CCDC27: variants seen among roughly 807,000 people sequenced by gnomAD.
CCDC27 encodes coiled-coil domain-containing protein 27.
CCDC27 carries 80 observed loss-of-function variants against 80.3 expected under a neutral mutation model. That is an observed-to-expected ratio of 1.00 (90% confidence interval 0.83 to 1.20). The LOEUF (loss-of-function observed/expected upper bound fraction) is 1.20, where lower values mean the gene tolerates loss of function less well. Ranked by LOEUF, CCDC27 falls within the 50% of genes most tolerant of loss-of-function variation. The pLI is 0.00. For missense variants in CCDC27, 815 were observed against 809.4 expected (o/e 1.01, Z -0.08); for synonymous variants, 342 against 334.3 (o/e 1.02, Z -0.25).
rs1643064139 is a variant in CCDC27, at chr1:3,760,691, G to T, written c.712-590G>T. Among the ~76,000 whole-genome samples the T allele has an allele frequency of 6.6e-6, 1 of 152,110 alleles. No individual in the cohort carries two copies. Among genetic ancestry groups the T allele is most frequent in the African/African-American group, 2.4e-5 (1 of 41,400 alleles). ...GACTTTCTAGTTATCTTTCCTTCCAGAATATTCTGTTGGGATCATTTTCCT... is the reference window on the plus strand; with the variant it reads ...GACTTTCTAGTTATCTTTCCTTCCATAATATTCTGTTGGGATCATTTTCCT... On this transcript the variant is annotated intron_variant, in intron 4 of 11. Coordinates refer to ENST00000294600, the MANE Select transcript of CCDC27 (RefSeq NM_152492.3). The surrounding 1 kb of genome is among the most constrained non-coding windows in gnomAD (Gnocchi z 4.3).
chr1:3,765,032 T>C (rs1425559694), intron 8 of CCDC27, among the ~76,000 whole-genome samples: 2 of 78,060 alleles, frequency 2.6e-5, no homozygotes, highest in African/African-American at 2.0e-4. Flanking sequence ...CAAAACTCCA[T>C]CTCAAAAAAA....
At chr1:3,756,957 C>A (rs1450566725) in intron 4 of CCDC27, 67 bp downstream of exon 4, 2 of 1,524,152 alleles carry the variant, frequency 1.3e-6, no homozygotes, top group Non-Finnish European at 1.8e-6. Flanking sequence ...GGGAGGACAG[C>A]CCTGCTCCCT....
Position 3,763,395 on chromosome 1 carries a change from G to C in CCDC27, c.1242G>C (p.Gln414His). Residue 414 changes from glutamine (Q) to histidine (H), a missense_variant, in exon 7 of 12, where the codon CAG (glutamine) becomes CAC (histidine). Physicochemically the swap from Gln to His is conservative, Grantham distance 24 (BLOSUM62 0). Transcript: ENST00000294600. This position sits in a 1 kb window ranked among gnomAD's most constrained non-coding sequence, Gnocchi z 7.5. ...CGTTTGAGGAGGAGCTGCTGGCCCA[G>C]CTGGAGGAGTACGAGCAGGTCATCC... ...AESFEEELLA[Q>H]LEEYEQVILD... 6.2e-7 allele frequency: 1 copy of C among 1,612,952 alleles called. No homozygotes were observed. The highest frequency in any genetic ancestry group is 8.5e-7 in the Non-Finnish European group (1 of 1,179,948).
At position 3,762,501 on chromosome 1, in the gene CCDC27, GA is replaced by G. The variant is rs113919440; in HGVS notation, c.862-118del. On this transcript the variant is annotated intron_variant, in intron 5 of 11. Coordinates refer to ENST00000294600, the MANE Select transcript of CCDC27 (RefSeq NM_152492.3). ...ACATCCCCCAGCCCCTTGGCAGGAG[GA>G]TGCAGGTCCCCTCCCCAGACATGAG... 1.1e-4 allele frequency: 84 copies of G among 746,676 alleles called. No individual in the cohort carries two copies. In the African/African-American group the frequency reaches 1.3e-3, roughly 12 times the overall value. 46.3% of individuals were successfully genotyped at this position (746,676 alleles called of 1,614,324 possible).
chr1:3,757,531 C>T (rs938418829), intron 4 of CCDC27, among the ~76,000 whole-genome samples: 5 of 152,000 alleles, frequency 3.3e-5, no homozygotes, highest in African/African-American at 1.2e-4. Context: ...GCCTTGAGCT[C>T]CCTGAGCTCA....
intron 2 of CCDC27, 147 bp downstream of exon 2, chr1:3,754,388 G>A: frequency 9.2e-7 from 1 of 1,088,314 alleles, no homozygotes; most frequent in Non-Finnish European, 1.3e-6. Flanking sequence ...AATCCGCTCT[G>A]TGCTCAGGGA....
chr1:3,767,328 G>A lies in CCDC27; in HGVS notation c.1626G>A (p.Leu542=), dbSNP rs1359549056. 1.2e-6 allele frequency: 2 copies of A among 1,614,008 alleles called. No individual in the cohort carries two copies. Among genetic ancestry groups the A allele is most frequent in the Non-Finnish European group, 8.5e-7 (1 of 1,180,016 alleles). The change falls in exon 10 of 12, where the codon CTG becomes CTA. Residue 542 remains leucine (L), a synonymous_variant. Coordinates refer to ENST00000294600, the MANE Select transcript of CCDC27 (RefSeq NM_152492.3). ...GCCAGCTGCAGGAGCAGGTGGAACTGGACCAGAACCACCTGCAGAGGTGGA... is the reference window on the plus strand; with the variant it reads ...GCCAGCTGCAGGAGCAGGTGGAACTAGACCAGAACCACCTGCAGAGGTGGA... The part of the protein sequence containing the change: ...KVSQLQEQVE[L]DQNHLQRWKQ...
At position 3,763,797 on chromosome 1, in the gene CCDC27, C is replaced by T. The variant is rs748873147; in HGVS notation, c.1413C>T (p.Leu471=). ...NTENETLQKE[L]RERRQQLQAM... ...AAAATGAGACGCTGCAGAAGGAGCT[C>T]CGAGAGCGGAGGCAGCAGCTACAAG... The change falls in exon 8 of 12, where the codon CTC becomes CTT. Residue 471 remains leucine (L), a synonymous_variant. Coordinates refer to ENST00000294600, the MANE Select transcript of CCDC27 (RefSeq NM_152492.3). The surrounding 1 kb of genome is among the most constrained non-coding windows in gnomAD (Gnocchi z 7.5). The T allele has an allele frequency of 1.7e-5, 28 of 1,614,084 alleles. No individual in the cohort carries two copies. The highest frequency in any genetic ancestry group is 2.4e-5 in the Non-Finnish European group (28 of 1,179,988).
intron 10 of CCDC27, among the ~76,000 whole-genome samples, chr1:3,767,742 G>A (rs1643267534): frequency 6.6e-6 from 1 of 152,242 alleles, no homozygotes; most frequent in Non-Finnish European, 1.5e-5. Context: ...ATCACTGGCT[G>A]GAAAGGAGGA....
chr1:3,770,173 TG>T (rs1330446980), intron 11 of CCDC27, among the ~76,000 whole-genome samples: 1 of 152,104 alleles, frequency 6.6e-6, no homozygotes, highest in East Asian at 1.9e-4. Flanking sequence ...CTGAGCGCTG[TG>T]GAGAGGGGAC....
At chr1:3,755,349 C>T in intron 2 of CCDC27, 108 bp from the exon 3 acceptor site, 1 of 924,584 alleles carries the variant, frequency 1.1e-6, no homozygotes, top group Non-Finnish European at 1.7e-6. Flanking sequence ...TTAAAAAAAG[C>T]CACCTGTGTC....
chr1:3,766,701 C>A lies in CCDC27; in HGVS notation c.1530+89C>A. On this transcript the variant is annotated intron_variant, in intron 9 of 11. Coordinates refer to ENST00000294600, the MANE Select transcript of CCDC27 (RefSeq NM_152492.3). The surrounding 1 kb of genome is among the most constrained non-coding windows in gnomAD (Gnocchi z 6.1). ...AGCAAAGGGCAAGACGGGGCTGGAGCGTCTTCACAGCTGAGCCAGGACCCC... is the reference window on the plus strand; with the variant it reads ...AGCAAAGGGCAAGACGGGGCTGGAGAGTCTTCACAGCTGAGCCAGGACCCC... 2 of 1,073,568 alleles carry A rather than the reference C, an allele frequency of 1.9e-6. No individual in the cohort carries two copies. The highest frequency in any genetic ancestry group is 1.4e-6 in the Non-Finnish European group (1 of 718,226). The allele number at this position is 1,073,568 out of a possible 1,614,324, so 66.5% of individuals were successfully genotyped here. A position where few individuals can be genotyped will look rare whatever the true frequency, so the allele number is the denominator to read the frequency against.
intron 3 of CCDC27, chr1:3,755,772 G>A: frequency 1.7e-6 from 1 of 574,706 alleles, no homozygotes; most frequent in Non-Finnish European, 3.1e-6. Flanking sequence ...GTCCCCCCAG[G>A]ACCGTGGCCC....
chr1:3,758,817 G>A (rs1643022969), intron 4 of CCDC27, among the ~76,000 whole-genome samples: 2 of 151,368 alleles, frequency 1.3e-5, no homozygotes, highest in African/African-American at 4.9e-5. Context: ...GGTTTGCCTC[G>A]AACTCTTGAG....
rs1370902161 is a variant in CCDC27, at chr1:3,763,517, G to A, written c.1321+43G>A. Reference sequence around the variant, plus strand: ...GGCACTGGGCTTTGGCCACTCAGTGGTTCCCGGCCCAGGAGCTGGGACGCC... The same window carrying A: ...GGCACTGGGCTTTGGCCACTCAGTGATTCCCGGCCCAGGAGCTGGGACGCC... On this transcript the variant is annotated intron_variant, in intron 7 of 11. Transcript: ENST00000294600. This position sits in a 1 kb window ranked among gnomAD's most constrained non-coding sequence, Gnocchi z 7.5. 6.4e-7 allele frequency: 1 copy of A among 1,554,846 alleles called. No homozygotes were observed. Among genetic ancestry groups the A allele is most frequent in the Admixed American group, 1.9e-5 (1 of 54,050 alleles).
intron 8 of CCDC27, among the ~76,000 whole-genome samples, chr1:3,765,813 G>A (rs781038717): frequency 1.3e-5 from 2 of 152,008 alleles, no homozygotes; most frequent in Non-Finnish European, 2.9e-5. Flanking sequence ...CTCCCTGGCA[G>A]AGCAGTGTGC....
Position 3,760,342 on chromosome 1 carries a change from TCCTCTCTC to T in CCDC27, c.712-927_712-920del, listed in dbSNP as rs936918814. ...CTTCTCTCCTCTCTCTCCCCCTTGCTCCTCTCTCCCTCTCTCCCTTCCTATATCATAAA... is the reference window on the plus strand; with the variant it reads ...CTTCTCTCCTCTCTCTCCCCCTTGCTCCTCTCTCCCTTCCTATATCATAAA... On this transcript the variant is annotated intron_variant, in intron 4 of 11. Transcript: ENST00000294600. This position sits in a 1 kb window ranked among gnomAD's most constrained non-coding sequence, Gnocchi z 4.3. 1.3e-5 allele frequency among the ~76,000 whole-genome samples: 2 copies of T among 152,138 alleles called. No individual in the cohort carries two copies. Among genetic ancestry groups the T allele is most frequent in the Non-Finnish European group, 2.9e-5 (2 of 68,026 alleles).
At chr1:3,762,886 A>G in intron 6 of CCDC27, 174 bp downstream of exon 6, 1 of 786,748 alleles carries the variant, frequency 1.3e-6, no homozygotes. Context: ...TTGAAGGCAC[A>G]GGTCAGGTGC....
chr1:3,757,155 T>C, intron 4 of CCDC27: 1 of 326,200 alleles, frequency 3.1e-6, no homozygotes, highest in African/African-American at 2.1e-5. Context: ...CCACACATCT[T>C]TGCACCCACA....
Sources: gnomAD v4.1 joint callset for allele counts (sites outside exome capture counted in the v4.1 genomes callset) on GRCh38, gnomAD v4.1.1 for gene constraint, Gnocchi (gnomAD v3.1) non-coding constraint, MANE v1.5 for transcripts, NCBI Gene and HGNC (gene_info 2026-07-23, HGNC 2026-07-21) for gene names.